Variants in SCD5 observed in about 807,000 individuals in gnomAD.
SCD5 encodes the protein acyl-CoA-desaturase 4.
Under a neutral mutation model 30.4 loss-of-function variants are expected in SCD5, and 20 were observed. The ratio of observed to expected loss-of-function variants is 0.66; its 90% CI spans 0.46 to 0.96. SCD5 has a LOEUF of 0.96. Among genes scored for constraint, SCD5 ranks in the 40% least tolerant of loss-of-function variants. The probability of loss-of-function intolerance (pLI) is 0.00; values close to 1 mark genes in which losing one functional copy is unlikely to be tolerated. For missense variants in SCD5, 381 were observed against 443.3 expected (o/e 0.86, Z 1.26); for synonymous variants, 173 against 176.4 (o/e 0.98, Z 0.16).
intron 3 of SCD5, among the ~76,000 whole-genome samples, chr4:82,650,373 T>C (rs1260445195): frequency 1.3e-5 from 2 of 152,176 alleles, no homozygotes; most frequent in Non-Finnish European, 2.9e-5. Context: ...CCAAAGCTCT[T>C]TGGTCTCAGG....
intron 3 of SCD5, among the ~76,000 whole-genome samples, chr4:82,662,369 A>T (rs906601941): frequency 2.0e-4 from 31 of 152,140 alleles, no homozygotes; most frequent in African/African-American, 7.5e-4. Context: ...TTTAAAAGGC[A>T]ATGCTACAAA....
intron 2 of SCD5, among the ~76,000 whole-genome samples, chr4:82,697,807 A>G (rs889159498): frequency 6.6e-6 from 1 of 152,110 alleles, no homozygotes; most frequent in Non-Finnish European, 1.5e-5. Flanking sequence ...CACCTGCACC[A>G]CTTTGTCGGA....
chr4:82,682,569 C>T (rs1339242704), intron 2 of SCD5, among the ~76,000 whole-genome samples: 1 of 152,098 alleles, frequency 6.6e-6, no homozygotes, highest in Non-Finnish European at 1.5e-5. Flanking sequence ...ATATTCAATA[C>T]TGGGTAATGT....
intron 1 of SCD5, among the ~76,000 whole-genome samples, chr4:82,720,640 C>G (rs1310166516): frequency 6.6e-6 from 1 of 152,012 alleles, no homozygotes; most frequent in Non-Finnish European, 1.5e-5. Flanking sequence ...TGCTGTTGAG[C>G]ACTGCCCCAA....
At chr4:82,640,689 C>A (rs918912194) in intron 3 of SCD5, among the ~76,000 whole-genome samples, 1 of 152,160 alleles carries the variant, frequency 6.6e-6, no homozygotes, top group African/African-American at 2.4e-5. Context: ...AGCAGCTGGT[C>A]TCCTTTTAAT....
intron 1 of SCD5, among the ~76,000 whole-genome samples, chr4:82,707,068 C>T (rs140905628): frequency 2.6e-5 from 4 of 152,234 alleles, no homozygotes; most frequent in Non-Finnish European, 5.9e-5. Context: ...AATTTCTCTT[C>T]TATGATCCTT....
chr4:82,716,482 G>A (rs1406777528), intron 1 of SCD5, among the ~76,000 whole-genome samples: 1 of 151,896 alleles, frequency 6.6e-6, no homozygotes, highest in Non-Finnish European at 1.5e-5. Flanking sequence ...GGATTCAACT[G>A]TGGATTCACC....
intron 2 of SCD5, among the ~76,000 whole-genome samples, chr4:82,704,342 T>C (rs1489570840): frequency 6.6e-6 from 1 of 152,138 alleles, no homozygotes; most frequent in African/African-American, 2.4e-5. Flanking sequence ...TCCTTCCCAA[T>C]GAGTGAAAAT....
In SCD5 at chr4:82,631,169, C is replaced by A; in HGVS notation, c.*158G>T. Reference sequence around the variant, plus strand: ...TTTTTCATTGATAATTGTATTTCAACATTATTTTGAGATAAACAAAAACAT... The same window carrying A: ...TTTTTCATTGATAATTGTATTTCAAAATTATTTTGAGATAAACAAAAACAT... On this transcript the variant is annotated 3_prime_UTR_variant, in exon 5 of 5. Coordinates refer to ENST00000319540, the MANE Select transcript of SCD5 (RefSeq NM_001037582.3). 8 of 540,700 alleles carry A rather than the reference C, an allele frequency of 1.5e-5. No homozygotes were observed. The highest frequency in any genetic ancestry group is 6.4e-5 in the East Asian group (2 of 31,078). 33.5% of individuals were successfully genotyped at this position (540,700 alleles called of 1,614,324 possible).
At chr4:82,725,625 T>G (rs1236994135) in intron 1 of SCD5, among the ~76,000 whole-genome samples, 2 of 152,062 alleles carry the variant, frequency 1.3e-5, no homozygotes, top group African/African-American at 2.4e-5. Context: ...TCTGGGAAGC[T>G]GAGGTGGGCA....
chr4:82,788,517 A>T (rs774854468), intron 1 of SCD5, among the ~76,000 whole-genome samples: 4 of 152,130 alleles, frequency 2.6e-5, no homozygotes, highest in Non-Finnish European at 4.4e-5. Context: ...TAGCCTCCCG[A>T]GTAACTGGGA....
At chr4:82,769,619 C>T (rs964404751) in intron 1 of SCD5, among the ~76,000 whole-genome samples, 1 of 151,970 alleles carries the variant, frequency 6.6e-6, no homozygotes, top group African/African-American at 2.4e-5. Context: ...TTGAGAGTCA[C>T]TTGAAAATAC....
At chr4:82,698,234 G>A (rs897988198) in intron 2 of SCD5, among the ~76,000 whole-genome samples, 2 of 152,186 alleles carry the variant, frequency 1.3e-5, no homozygotes, top group East Asian at 1.9e-4. Context: ...TTTCTGAAGG[G>A]AGACTTAGAA....
chr4:82,759,171 T>C (rs1006905372), intron 1 of SCD5, among the ~76,000 whole-genome samples: 4 of 152,204 alleles, frequency 2.6e-5, no homozygotes, highest in Non-Finnish European at 4.4e-5. Context: ...TTCACAAGCA[T>C]GTGGCCTCCA....
At chr4:82,652,216 A>G (rs968015420) in intron 3 of SCD5, among the ~76,000 whole-genome samples, 4 of 152,314 alleles carry the variant, frequency 2.6e-5, no homozygotes, top group Admixed American at 2.6e-4. Context: ...GTACCAAGAG[A>G]TAGGGTAACT....
intron 1 of SCD5, among the ~76,000 whole-genome samples, chr4:82,743,653 C>G (rs991366020): frequency 1.3e-5 from 2 of 152,130 alleles, no homozygotes; most frequent in African/African-American, 4.8e-5. Flanking sequence ...TCCCAAGTAG[C>G]TGGGACTACA....
At chr4:82,756,265 C>T (rs987578000) in intron 1 of SCD5, among the ~76,000 whole-genome samples, 5 of 152,178 alleles carry the variant, frequency 3.3e-5, no homozygotes, top group East Asian at 3.8e-4. Context: ...TCATCGAGAC[C>T]CCCTCTCCTG....
intron 3 of SCD5, among the ~76,000 whole-genome samples, chr4:82,664,212 A>G (rs1728111869): frequency 1.3e-5 from 2 of 152,214 alleles, no homozygotes; most frequent in Admixed American, 6.5e-5. Flanking sequence ...GTAGCCATCC[A>G]GTGAAGTCTG....
chr4:82,735,529 T>A (rs1720731400), intron 1 of SCD5, among the ~76,000 whole-genome samples: 1 of 152,176 alleles, frequency 6.6e-6, no homozygotes, highest in African/African-American at 2.4e-5. Flanking sequence ...TACACGACAA[T>A]AAACGACGCA....
Sources: allele counts gnomAD v4.1 joint callset (sites outside exome capture counted in the v4.1 genomes callset), GRCh38; gene constraint gnomAD v4.1.1; transcripts MANE v1.5; gene names NCBI Gene and HGNC (gene_info 2026-07-23, HGNC 2026-07-21).